SYDE2: variants seen among roughly 807,000 people sequenced by gnomAD.
SYDE2 encodes the protein rho GTPase-activating protein SYDE2.
Under a neutral mutation model 91.5 loss-of-function variants are expected in SYDE2, and 76 were observed. The ratio of observed to expected loss-of-function variants is 0.83; its 90% CI spans 0.69 to 1.01. The LOEUF is 1.01. SYDE2 is among the 50% of genes least tolerant of loss of function. The probability of loss-of-function intolerance (pLI) is 0.00; values close to 1 mark genes in which losing one functional copy is unlikely to be tolerated. For missense variants in SYDE2, 1,364 were observed against 1,367.7 expected, an observed-to-expected ratio of 1.00 and a Z score of 0.04; for synonymous variants, 513 against 506.4, an observed-to-expected ratio of 1.01 and a Z score of -0.18.
chr1:85,157,388 T>TA lies in SYDE2; in HGVS notation c.*1361dup, dbSNP rs1268205529. On this transcript the variant is annotated 3_prime_UTR_variant, in exon 7 of 7. Transcript: ENST00000341460. ...TACTTAGCCAAAATAAGTTAATTTT[T>TA]AAAAATCAGTAACATGTAATATGCT... 1 of 152,132 alleles carries TA rather than the reference T, an allele frequency of 6.6e-6. No homozygotes were observed. Among genetic ancestry groups the TA allele is most frequent in the African/African-American group, 2.4e-5 (1 of 41,436 alleles). 9.4% of individuals were successfully genotyped at this position (152,132 alleles called of 1,614,324 possible). A position where few individuals can be genotyped will look rare whatever the true frequency, so the allele number is the denominator to read the frequency against.
chr1:85,156,061 A>G (rs908281502), downstream of SYDE2, among the ~76,000 whole-genome samples: 2 of 152,238 alleles, frequency 1.3e-5, no homozygotes, highest in African/African-American at 4.8e-5. Flanking sequence ...TAAACTGTTT[A>G]TCATTCATAG....
chr1:85,200,597 C>T lies in SYDE2; in HGVS notation c.400G>A (p.Ala134Thr), dbSNP rs780706083. 7 of 1,568,932 alleles carry T rather than the reference C, an allele frequency of 4.5e-6. No homozygotes were observed. Among genetic ancestry groups the T allele is most frequent in the Non-Finnish European group, 4.3e-6 (5 of 1,161,738 alleles). Residue 134 changes from alanine (A) to threonine (T), a missense_variant, in exon 1 of 7, where the codon GCC becomes ACC. Transcript: ENST00000341460. ...GRMDGWSGDR[A>T]RAAAPTGLQP... is the part of the protein sequence containing the mutation. ...AGGCCGGTGGGTGCAGCCGCCCGGGCGCGGTCCCCACTCCAGCCGTCCATC... is the reference window on the plus strand; with the variant it reads ...AGGCCGGTGGGTGCAGCCGCCCGGGTGCGGTCCCCACTCCAGCCGTCCATC...
At chr1:85,189,884 G>A (rs935620446) in intron 2 of SYDE2, among the ~76,000 whole-genome samples, 173 bp downstream of exon 2, 3 of 152,074 alleles carry the variant, frequency 2.0e-5, no homozygotes, top group South Asian at 2.1e-4. Context: ...TTAAACCAGC[G>A]TGTACGTTAA....
At chr1:85,196,201 A>G (rs1658580950) in intron 1 of SYDE2, among the ~76,000 whole-genome samples, 1 of 152,224 alleles carries the variant, frequency 6.6e-6, no homozygotes, top group South Asian at 2.1e-4. Flanking sequence ...GGGTAGTTTA[A>G]GTACCAAGTA....
intron 6 of SYDE2, 133 bp downstream of exon 6, chr1:85,164,393 G>A: frequency 3.6e-6 from 2 of 562,076 alleles, no homozygotes; most frequent in Non-Finnish European, 5.9e-6. Context: ...TAAAGGGCAG[G>A]TATCAATTCA....
chr1:85,188,682 A>G (rs11161544), intron 2 of SYDE2, among the ~76,000 whole-genome samples: 5,132 of 152,254 alleles, frequency 0.034, 306 homozygotes, highest in African/African-American at 0.12. Flanking sequence ...ATAAACTCAG[A>G]ATTATTCTGC....
chr1:85,173,936 G>A (rs934355921), intron 4 of SYDE2, among the ~76,000 whole-genome samples: 3 of 152,082 alleles, frequency 2.0e-5, no homozygotes, highest in African/African-American at 7.2e-5. Context: ...GTGAAAATTA[G>A]GGTGTCTGAA....
chr1:85,169,051 A>C lies in SYDE2; in HGVS notation c.2846T>G (p.Ile949Ser). The change falls in exon 5 of 7, where the codon ATT becomes AGT. Residue 949 changes from isoleucine (I) to serine (S), a missense_variant. Transcript: ENST00000341460. ...TVDLLDCLPE[I>S]EKATLKMLLD... Reference sequence around the variant, plus strand: ...TATACTGGTAATGCTTACCTTCTCAATCTCTGGCAGACAATCCAGCAGGTC... The same window carrying C: ...TATACTGGTAATGCTTACCTTCTCACTCTCTGGCAGACAATCCAGCAGGTC... 1 of 1,613,704 alleles carries C rather than the reference A, an allele frequency of 6.2e-7. No individual in the cohort carries two copies. Among genetic ancestry groups the C allele is most frequent in the East Asian group, 2.2e-5 (1 of 44,862 alleles).
chr1:85,167,245 A>G (rs941712466), intron 5 of SYDE2, among the ~76,000 whole-genome samples: 3 of 151,866 alleles, frequency 2.0e-5, no homozygotes, highest in Non-Finnish European at 4.4e-5. Flanking sequence ...AAAAAAAAAG[A>G]AGAAAATTAG....
At chr1:85,169,371 A>C in intron 4 of SYDE2, 146 bp from the exon 5 acceptor site, 1 of 606,634 alleles carries the variant, frequency 1.6e-6, no homozygotes, top group Non-Finnish European at 2.8e-6. Context: ...GAATTATAAA[A>C]TACTAGCATT....
intron 5 of SYDE2, among the ~76,000 whole-genome samples, chr1:85,166,930 G>C (rs190007384): frequency 2.6e-5 from 4 of 152,270 alleles, no homozygotes; most frequent in Non-Finnish European, 1.5e-5. Context: ...AATTAGTCTG[G>C]CTGGGCGTGG....
intron 1 of SYDE2, among the ~76,000 whole-genome samples, chr1:85,192,238 T>C (rs1194161412): frequency 6.6e-6 from 1 of 151,992 alleles, no homozygotes; most frequent in Non-Finnish European, 1.5e-5. Context: ...CAAGACCCTA[T>C]CTCTACAAAA....
intron 6 of SYDE2, among the ~76,000 whole-genome samples, chr1:85,164,001 C>G (rs899734221): frequency 2.0e-5 from 3 of 151,966 alleles, no homozygotes; most frequent in Admixed American, 2.0e-4. Context: ...GACTAATGAC[C>G]ATGAATGCAG....
At chr1:85,163,490 G>T (rs2100646200) in intron 6 of SYDE2, among the ~76,000 whole-genome samples, 2 of 99,950 alleles carry the variant, frequency 2.0e-5, no homozygotes, top group Middle Eastern at 0.013. Context: ...TAACAAAAGA[G>T]TAACCAAAGA....
chr1:85,183,046 T>C lies in SYDE2; in HGVS notation c.1596A>G (p.Lys532=). The C allele has an allele frequency of 6.2e-7, 1 of 1,613,350 alleles. No individual in the cohort carries two copies. Among genetic ancestry groups the C allele is most frequent in the South Asian group, 1.1e-5 (1 of 90,898 alleles). ...GGCTAAATTCTGGCAACTTTTTCAT[T>C]TTCATGGAAAGTTTCCTCACAGTTC... The part of the protein sequence containing the change: ...SPRTVRKLSM[K]MKKLPEFSRK... The change falls in exon 3 of 7, where the codon AAA becomes AAG. Residue 532 remains lysine, a synonymous_variant. Coordinates refer to ENST00000341460, the MANE Select transcript of SYDE2 (RefSeq NM_032184.2).
intron 2 of SYDE2, among the ~76,000 whole-genome samples, chr1:85,189,116 A>G (rs1288496883): frequency 6.6e-6 from 1 of 152,178 alleles, no homozygotes; most frequent in African/African-American, 2.4e-5. Flanking sequence ...AATATTCACA[A>G]TTTCAAATGG....
intron 1 of SYDE2, among the ~76,000 whole-genome samples, chr1:85,195,824 C>G (rs969769113): frequency 2.0e-5 from 3 of 152,206 alleles, no homozygotes; most frequent in African/African-American, 4.8e-5. Flanking sequence ...AGTATTCTCA[C>G]AAAGCCTGCT....
intron 1 of SYDE2, 113 bp from the exon 2 acceptor site, chr1:85,190,865 C>G: frequency 1.4e-6 from 1 of 737,028 alleles, no homozygotes; most frequent in Non-Finnish European, 2.1e-6. Context: ...TAACAACAAT[C>G]ACATTCAGAG....
intron 6 of SYDE2, chr1:85,159,797 A>T: frequency 1.1e-6 from 1 of 936,094 alleles, no homozygotes; most frequent in Non-Finnish European, 1.3e-6. Flanking sequence ...TAAAATGTAC[A>T]AATACTAGAT....
Sources: gnomAD v4.1 joint callset for allele counts (sites outside exome capture counted in the v4.1 genomes callset) on GRCh38, gnomAD v4.1.1 for gene constraint, MANE v1.5 for transcripts, NCBI Gene and HGNC (gene_info 2026-07-23, HGNC 2026-07-21) for gene names.